FAT2: variants seen among roughly 807,000 people sequenced by gnomAD.
FAT2 encodes protocadherin Fat 2.
Under a neutral mutation model 295.3 loss-of-function variants are expected in FAT2, and 150 were observed. The observed-to-expected ratio is 0.51, with a 90% confidence interval of 0.44 to 0.58. The LOEUF is 0.58. Among genes scored for constraint, FAT2 ranks in the 20% least tolerant of loss-of-function variants. The pLI is 0.00. For missense variants in FAT2, 4,868 were observed against 5,442.7 expected (o/e 0.89, Z 3.32); for synonymous variants, 2,026 against 2,150.3 (o/e 0.94, Z 1.60).
chr5:151,558,622 G>A (rs998504884), intron 3 of FAT2, among the ~76,000 whole-genome samples: 23 of 151,314 alleles, frequency 1.5e-4, no homozygotes, highest in African/African-American at 5.1e-4. Flanking sequence ...AAAAAAAAAA[G>A]CAGCTTGTCA....
intron 21 of FAT2, chr5:151,511,719 C>A: frequency 5.7e-6 from 1 of 174,210 alleles, no homozygotes; most frequent in Non-Finnish European, 1.3e-5. Context: ...CAACATATAC[C>A]ACTTATATAA....
In FAT2 at chr5:151,512,667, A is replaced by G; in HGVS notation, c.11464-61T>C. ...AAGGAGTCCTTGTAAACCTGCTAAG[A>G]GGCTGCCAGTTCAAAGAATGTTGTT... is the stretch of plus-strand genomic sequence containing the variant. On this transcript the variant is annotated intron_variant, in intron 20 of 23. Coordinates refer to ENST00000261800, the MANE Select transcript of FAT2 (RefSeq NM_001447.3). The surrounding 1 kb of genome is among the most constrained non-coding windows in gnomAD (Gnocchi z 4.1). 7.1e-7 allele frequency: 1 copy of G among 1,416,340 alleles called. No individual in the cohort carries two copies. The highest frequency in any genetic ancestry group is 9.6e-7 in the Non-Finnish European group (1 of 1,045,718). The allele number at this position is 1,416,340 out of a possible 1,614,324, so 87.7% of individuals were successfully genotyped here.
Position 151,551,367 on chromosome 5 carries a change from G to A in FAT2, c.4296+100C>T, listed in dbSNP as rs151165084. On this transcript the variant is annotated intron_variant, in intron 7 of 23. Coordinates refer to ENST00000261800, the MANE Select transcript of FAT2 (RefSeq NM_001447.3). ...TTTGATTCTAAATTCAGTGTTCCTT[G>A]AGGAACACCACATCCACAGAAAACC... 1,206 of 1,243,620 alleles carry A rather than the reference G, an allele frequency of 9.7e-4. 18 individuals are homozygous for A. The East Asian group carries it at 0.025, about 26-fold the overall frequency. The allele number at this position is 1,243,620 out of a possible 1,614,324, so 77.0% of individuals were successfully genotyped here.
chr5:151,551,319 T>C, intron 7 of FAT2, 148 bp downstream of exon 7: 1 of 800,460 alleles, frequency 1.2e-6, no homozygotes, highest in South Asian at 1.8e-5. Context: ...ATCACAGAAG[T>C]AGAGAGTGTA....
chr5:151,547,796 T>G (rs563755136), intron 9 of FAT2, among the ~76,000 whole-genome samples: 3 of 152,332 alleles, frequency 2.0e-5, no homozygotes, highest in Admixed American at 2.0e-4. Flanking sequence ...GTATATTCAT[T>G]ATGATCTCAA....
In FAT2 at chr5:151,567,939, G is replaced by A. The variant is rs77966518; in HGVS notation, c.993C>T (p.Leu331=). 1,445 of 1,614,206 alleles carry A rather than the reference G, an allele frequency of 9.0e-4. 10 individuals are homozygous for A. In the African/African-American group the frequency reaches 0.018, roughly 20 times the overall value. The part of the protein sequence containing the change: ...NWMEYLHGFN[L]SLQARSGSGP... Reference sequence around the variant, plus strand: ...CGCTCCCACTCCTGGCCTGGAGGCTGAGGTTGAACCCATGAAGGTACTCCA... The same window carrying A: ...CGCTCCCACTCCTGGCCTGGAGGCTAAGGTTGAACCCATGAAGGTACTCCA... The change falls in exon 2 of 24, where the codon CTC becomes CTT. Residue 331 remains leucine, a synonymous_variant. Coordinates refer to ENST00000261800, the MANE Select transcript of FAT2 (RefSeq NM_001447.3).
chr5:151,511,898 T>A (rs974492636), intron 21 of FAT2: 2 of 502,432 alleles, frequency 4.0e-6, no homozygotes, highest in Non-Finnish European at 7.2e-6. Flanking sequence ...GGTATGTGAT[T>A]AATTCAACCC....
At chr5:151,586,682 A>T (rs1759184422) in intron 1 of FAT2, among the ~76,000 whole-genome samples, 1 of 152,220 alleles carries the variant, frequency 6.6e-6, no homozygotes, top group Admixed American at 6.5e-5. Context: ...AATGTTTATA[A>T]AATAAAAGCC....
In FAT2 at chr5:151,543,925, A is replaced by C; in HGVS notation, c.7202T>G (p.Val2401Gly). 6.2e-7 allele frequency: 1 copy of C among 1,614,138 alleles called. No homozygotes were observed. The highest frequency in any genetic ancestry group is 8.5e-7 in the Non-Finnish European group (1 of 1,180,042). ...TCTGCTGTCAGGGTCAATAGCCTGG[A>C]CTTTAAGAACCAGGTGTCCACAGGT... ...LATCGHLVLK[V>G]QAIDPDSRDT... The change falls in exon 10 of 24, where the codon GTC becomes GGC. Residue 2401 changes from valine (V) to glycine (G), a missense_variant. Physicochemically the swap from Val to Gly is moderately radical, Grantham distance 109 (BLOSUM62 -3). This residue lies in a region of FAT2 where 3,297 missense variants were observed against 3,669.4 expected (regional missense o/e 0.90). Coordinates refer to ENST00000261800, the MANE Select transcript of FAT2 (RefSeq NM_001447.3).
At position 151,568,228 on chromosome 5, in the gene FAT2, C is replaced by A; in HGVS notation, c.704G>T (p.Gly235Val). The change falls in exon 2 of 24, where the codon GGG becomes GTG. Residue 235 changes from glycine to valine, a missense_variant. Transcript: ENST00000261800. Reference protein sequence around the residue: ...DRMRKISEGNGFGSLAALVVH... With the variant: ...DRMRKISEGNVFGSLAALVVH... ...CACAAGTGCAGCCAGGCTGCCAAACCCATTGCCCTCAGAGATTTTCCGCAT... is the reference window on the plus strand; with the variant it reads ...CACAAGTGCAGCCAGGCTGCCAAACACATTGCCCTCAGAGATTTTCCGCAT... 6.2e-7 allele frequency: 1 copy of A among 1,613,990 alleles called. No homozygotes were observed. The highest frequency in any genetic ancestry group is 8.5e-7 in the Non-Finnish European group (1 of 1,179,916).
rs41290577 is a variant in FAT2, at chr5:151,507,639, A to G, written c.12060-28T>C. ...GCGGAGACAGAGTAGTCAGGGGGCC[A>G]AGTCATGAAATTGCCCTTTCCATGT... is the stretch of plus-strand genomic sequence containing the variant. On this transcript the variant is annotated intron_variant, in intron 22 of 23. Coordinates refer to ENST00000261800, the MANE Select transcript of FAT2 (RefSeq NM_001447.3). 0.17 allele frequency: 273,289 copies of G among 1,562,782 alleles called. 25,099 individuals are homozygous for G. Among genetic ancestry groups the G allele is most frequent in the Middle Eastern group, 0.21 (1,129 of 5,488 alleles).
rs749821921 is a variant in FAT2 at position 151,567,594 on chromosome 5, A to C, written c.1338T>G (p.Ile446Met). ...SPGQASTVVVIDIVDCNNHAP... is the reference protein window; with the variant it reads ...SPGQASTVVVMDIVDCNNHAP... ...CATGGTTGTTGCAGTCCACAATGTC[A>C]ATGACCACCACGGTGGAGGCCTGGC... The change falls in exon 2 of 24, where the codon ATT becomes ATG. Residue 446 changes from isoleucine (I) to methionine (M), a missense_variant. Physicochemically the swap from Ile to Met is conservative, Grantham distance 10. Coordinates refer to ENST00000261800, the MANE Select transcript of FAT2 (RefSeq NM_001447.3). The C allele has an allele frequency of 1.2e-6, 2 of 1,614,128 alleles. No individual in the cohort carries two copies. Among genetic ancestry groups the C allele is most frequent in the Non-Finnish European group, 8.5e-7 (1 of 1,180,024 alleles).
chr5:151,566,727 G>A lies in FAT2; in HGVS notation c.2205C>T (p.Ala735=). Reference sequence around the variant, plus strand: ...CATCAGGGTCAGTGGCTGCTAGGCGGGCCAAGGGGGTGTTGATAGGGACAC... The same window carrying A: ...CATCAGGGTCAGTGGCTGCTAGGCGAGCCAAGGGGGTGTTGATAGGGACAC... ...LESVPINTPL[A]RLAATDPDAG... Residue 735 remains alanine (A), a synonymous_variant, in exon 2 of 24, where the codon GCC becomes GCT. Coordinates refer to ENST00000261800, the MANE Select transcript of FAT2 (RefSeq NM_001447.3). 2.5e-6 allele frequency: 4 copies of A among 1,614,150 alleles called. No individual in the cohort carries two copies. Among genetic ancestry groups the A allele is most frequent in the East Asian group, 2.2e-5 (1 of 44,882 alleles).
intron 9 of FAT2, among the ~76,000 whole-genome samples, chr5:151,547,225 C>T (rs1756730888): frequency 6.6e-6 from 1 of 152,190 alleles, no homozygotes; most frequent in Admixed American, 6.5e-5. Flanking sequence ...AAATCTACTG[C>T]TTGCCAAAAG....
chr5:151,568,495 G>A lies in FAT2; in HGVS notation c.437C>T (p.Pro146Leu), dbSNP rs1342051677. 12 of 1,614,174 alleles carry A rather than the reference G, an allele frequency of 7.4e-6. No homozygotes were observed. The highest frequency in any genetic ancestry group is 1.7e-5 in the Admixed American group (1 of 60,026). The change falls in exon 2 of 24, where the codon CCT becomes CTT. Residue 146 changes from proline (P) to leucine (L), a missense_variant. By Grantham distance (98) the Pro-to-Leu change is moderately conservative. Coordinates refer to ENST00000261800, the MANE Select transcript of FAT2 (RefSeq NM_001447.3). ...VHILDQNDLK[P>L]LFSPPSYRVT... ...TCTGTACGAAGGTGGAGAGAAGAGA[G>A]GCTTCAGGTCATTCTGGTCCAGGAT...
chr5:151,531,580 C>A lies in FAT2; in HGVS notation c.9811+7G>T. On this transcript the variant is annotated splice_region_variant and intron_variant, in intron 14 of 23. Transcript: ENST00000261800. This position sits in a 1 kb window ranked among gnomAD's most constrained non-coding sequence, Gnocchi z 5.7. ...ATGCTTTGGGGCTTGGTGGATCAGG[C>A]TCTCACCTGTGCGAGCATCCAGGCG... 1 of 1,611,984 alleles carries A rather than the reference C, an allele frequency of 6.2e-7. No homozygotes were observed. The highest frequency in any genetic ancestry group is 8.5e-7 in the Non-Finnish European group (1 of 1,179,868).
At chr5:151,551,369 G>A in intron 7 of FAT2, 98 bp downstream of exon 7, 1 of 1,281,494 alleles carries the variant, frequency 7.8e-7, no homozygotes, top group East Asian at 2.3e-5. Flanking sequence ...TGTTCCTTGA[G>A]GAACACCACA....
Position 151,512,060 on chromosome 5 carries a change from A to T in FAT2, c.11905+105T>A, listed in dbSNP as rs1294388599. The T allele has an allele frequency of 9.3e-7, 1 of 1,070,290 alleles. No homozygotes were observed. The highest frequency in any genetic ancestry group is 1.3e-6 in the Non-Finnish European group (1 of 745,214). 66.3% of individuals were successfully genotyped at this position (1,070,290 alleles called of 1,614,324 possible). Reference sequence around the variant, plus strand: ...CTCACAAGTTAGGGGAAGAGAGAGAAATTTGGAACCAGGAGGCTCTGAGAT... The same window carrying T: ...CTCACAAGTTAGGGGAAGAGAGAGATATTTGGAACCAGGAGGCTCTGAGAT... On this transcript the variant is annotated intron_variant, in intron 21 of 23. Transcript: ENST00000261800. This position sits in a 1 kb window ranked among gnomAD's most constrained non-coding sequence, Gnocchi z 4.1.
rs763727182 is a variant in FAT2 at position 151,544,777 on chromosome 5, C to T, written c.6350G>A (p.Arg2117Gln). ...TATGTCCCCAAGATAGGGGTCAATTCGGAAATATGTGTAATCTTCTGCAAA... is the reference window on the plus strand; with the variant it reads ...TATGTCCCCAAGATAGGGGTCAATTTGGAAATATGTGTAATCTTCTGCAAA... ...YEFAEDYTYF[R>Q]IDPYLGDISL... is the part of the protein sequence containing the mutation. Residue 2117 changes from arginine (R) to glutamine (Q), a missense_variant, in exon 10 of 24, where the codon CGA becomes CAA. Coordinates refer to ENST00000261800, the MANE Select transcript of FAT2 (RefSeq NM_001447.3). The T allele has an allele frequency of 2.1e-5, 34 of 1,614,016 alleles. No individual in the cohort carries two copies. The highest frequency in any genetic ancestry group is 8.0e-5 in the African/African-American group (6 of 74,900).
Sources: allele counts gnomAD v4.1 joint callset (sites outside exome capture counted in the v4.1 genomes callset), GRCh38; gene constraint gnomAD v4.1.1; regional missense constraint gnomAD v4.1.1; non-coding constraint Gnocchi (gnomAD v3.1); transcripts MANE v1.5; gene names NCBI Gene and HGNC (gene_info 2026-07-23, HGNC 2026-07-21).